HTR7: variants seen among roughly 807,000 people sequenced by gnomAD.
HTR7 encodes 5-hydroxytryptamine receptor 7.
In HTR7, 16 loss-of-function variants were observed where a neutral mutation model predicts 34.0. That is an observed-to-expected ratio of 0.47 (90% CI 0.32 to 0.71). The LOEUF (loss-of-function observed/expected upper bound fraction) is 0.71, where lower values mean the gene tolerates loss of function less well. Among genes scored for constraint, HTR7 ranks in the 30% least tolerant of loss-of-function variants. The probability of loss-of-function intolerance (pLI) is 0.04; values close to 1 mark genes in which losing one functional copy is unlikely to be tolerated. For synonymous variants in HTR7, 265 were observed against 260.2 expected (o/e 1.02, Z -0.18); for missense variants, 504 against 625.5 (o/e 0.81, Z 2.07).
intron 1 of HTR7, among the ~76,000 whole-genome samples, chr10:90,806,959 T>C: frequency 6.6e-6 from 1 of 152,168 alleles, no homozygotes; most frequent in South Asian, 2.1e-4. Context: ...AGGTAGCTAA[T>C]GTGAGGGAAG....
chr10:90,761,631 TGC>T (rs1252483231), intron 1 of HTR7, among the ~76,000 whole-genome samples: 201 of 103,682 alleles, frequency 1.9e-3, no homozygotes, highest in African/African-American at 4.1e-3. Flanking sequence ...TTTGTGTGTA[TGC>T]GTGTGTGTGT....
intron 1 of HTR7, among the ~76,000 whole-genome samples, chr10:90,765,559 C>T (rs542332766): frequency 6.6e-6 from 1 of 150,386 alleles, no homozygotes; most frequent in Non-Finnish European, 1.5e-5. Flanking sequence ...TTATGTCCTT[C>T]CTCCTGCTAA....
chr10:90,745,361 A>G (rs1311663354), intron 2 of HTR7, among the ~76,000 whole-genome samples: 1 of 152,166 alleles, frequency 6.6e-6, no homozygotes, highest in African/African-American at 2.4e-5. Context: ...CCTCTTTTAT[A>G]AGGGCAATAA....
At chr10:90,830,985 T>C (rs1248352267) in intron 1 of HTR7, among the ~76,000 whole-genome samples, 1 of 152,210 alleles carries the variant, frequency 6.6e-6, no homozygotes, top group South Asian at 2.1e-4. Context: ...CTCTGCCACT[T>C]AGCAGTTGCT....
chr10:90,808,289 A>C (rs1845735398), intron 1 of HTR7, among the ~76,000 whole-genome samples: 3 of 143,460 alleles, frequency 2.1e-5, no homozygotes, highest in African/African-American at 2.7e-5. Context: ...CTTCTCCTTC[A>C]CTCTTAGCAG....
chr10:90,857,084 G>GCCAGCCGGTCC lies in HTR7; in HGVS notation c.539+38_539+48dup. The stretch of plus-strand genomic sequence containing the variant: ...AAAGGCGAGCGCGCGGGGCTGAGCT[G>GCCAGCCGGTCC]CCAGCCGGTCCCCAGCCGGAGCCTG... On this transcript the variant is annotated intron_variant, in intron 1 of 3. Coordinates refer to ENST00000336152, the MANE Select transcript of HTR7 (RefSeq NM_019859.4). The surrounding 1 kb of genome is among the most constrained non-coding windows in gnomAD (Gnocchi z 6.5). The GCCAGCCGGTCC allele has an allele frequency of 1.4e-6, 2 of 1,474,264 alleles. No homozygotes were observed. Among genetic ancestry groups the GCCAGCCGGTCC allele is most frequent in the South Asian group, 1.4e-5 (1 of 73,664 alleles). 91.3% of individuals were successfully genotyped at this position (1,474,264 alleles called of 1,614,324 possible).
intron 1 of HTR7, among the ~76,000 whole-genome samples, chr10:90,811,380 C>T (rs1845807000): frequency 6.6e-6 from 1 of 150,660 alleles, no homozygotes; most frequent in Non-Finnish European, 1.5e-5. Context: ...ACACCTGATG[C>T]CTATACTTTC....
chr10:90,787,880 T>C (rs977400470), intron 1 of HTR7, among the ~76,000 whole-genome samples: 5 of 151,938 alleles, frequency 3.3e-5, no homozygotes, highest in Admixed American at 3.3e-4. Context: ...TTATGACCTC[T>C]TCCGCTTGCT....
At chr10:90,842,136 A>T (rs1846338556) in intron 1 of HTR7, among the ~76,000 whole-genome samples, 1 of 152,168 alleles carries the variant, frequency 6.6e-6, no homozygotes, top group Non-Finnish European at 1.5e-5. Context: ...GACTTTTGGG[A>T]GGTGATTAAG....
At position 90,742,153 on chromosome 10, in the gene HTR7, TG is replaced by T. The variant is rs1386498421; in HGVS notation, c.*328del. The stretch of plus-strand genomic sequence containing the variant: ...ACTCAGAAGCATGGGAAGTGTGCAC[TG>T]GAACTTTCTCCCACTTGCATGGATT... On this transcript the variant is annotated 3_prime_UTR_variant, in exon 4 of 4. Transcript: ENST00000336152. The T allele has an allele frequency of 2.5e-5, 5 of 200,802 alleles. No individual in the cohort carries two copies. Among genetic ancestry groups the T allele is most frequent in the Non-Finnish European group, 2.0e-5 (2 of 99,404 alleles). 12.4% of individuals were successfully genotyped at this position (200,802 alleles called of 1,614,324 possible).
rs767471859 is a variant in HTR7, at chr10:90,749,258, T to A, written c.876A>T (p.Ile292=). The A allele has an allele frequency of 6.2e-7, 1 of 1,614,124 alleles. No individual in the cohort carries two copies. The highest frequency in any genetic ancestry group is 8.5e-7 in the Non-Finnish European group (1 of 1,180,006). ...EPDSVIALNG[I]VKLQKEVEEC... is the part of the protein sequence containing the mutation. The stretch of plus-strand genomic sequence containing the variant: ...CTTCCACCTCCTTCTGGAGCTTCAC[T>A]ATGCCATTCAGGGCGATGACGCTGT... Residue 292 remains isoleucine, a synonymous_variant, in exon 2 of 4, where the codon ATA becomes ATT. Coordinates refer to ENST00000336152, the MANE Select transcript of HTR7 (RefSeq NM_019859.4). The surrounding 1 kb of genome is among the most constrained non-coding windows in gnomAD (Gnocchi z 4.2).
intron 1 of HTR7, among the ~76,000 whole-genome samples, chr10:90,755,214 C>A (rs1254778220): frequency 1.3e-5 from 2 of 152,168 alleles, no homozygotes; most frequent in African/African-American, 2.4e-5. Context: ...TTTAGCCTAA[C>A]AAAATCATTA....
intron 1 of HTR7, among the ~76,000 whole-genome samples, chr10:90,845,233 T>C (rs76085813): frequency 1.1e-3 from 170 of 152,330 alleles, no homozygotes; most frequent in African/African-American, 4.0e-3. Context: ...GTAAGAGCAC[T>C]ATTTCTGTTC....
chr10:90,833,956 A>C (rs1053479979), intron 1 of HTR7, among the ~76,000 whole-genome samples: 14 of 152,276 alleles, frequency 9.2e-5, no homozygotes, highest in Non-Finnish European at 1.8e-4. Flanking sequence ...TTATGACTAC[A>C]TAATCCTATT....
intron 1 of HTR7, among the ~76,000 whole-genome samples, chr10:90,782,157 G>A (rs1434107517): frequency 1.3e-5 from 2 of 152,116 alleles, no homozygotes; most frequent in Non-Finnish European, 2.9e-5. Flanking sequence ...AGACATGGGC[G>A]AGAGACTGCA....
chr10:90,752,808 T>C (rs1374185338), intron 1 of HTR7, among the ~76,000 whole-genome samples: 1 of 152,194 alleles, frequency 6.6e-6, no homozygotes, highest in Non-Finnish European at 1.5e-5. Context: ...GGTAAAAGTA[T>C]TACTGGCTTC....
chr10:90,743,072 C>T (rs1844579378), intron 3 of HTR7, among the ~76,000 whole-genome samples: 1 of 150,550 alleles, frequency 6.6e-6, no homozygotes, highest in South Asian at 2.1e-4. Flanking sequence ...AGCCACTCCC[C>T]TGACTCTGCA....
At chr10:90,798,257 T>A (rs1845571934) in intron 1 of HTR7, among the ~76,000 whole-genome samples, 1 of 152,182 alleles carries the variant, frequency 6.6e-6, no homozygotes, top group African/African-American at 2.4e-5. Flanking sequence ...ATGTAGCTCA[T>A]TCAGGACTGG....
chr10:90,831,440 G>C (rs141702657), intron 1 of HTR7, among the ~76,000 whole-genome samples: 6 of 152,062 alleles, frequency 3.9e-5, no homozygotes, highest in African/African-American at 1.4e-4. Context: ...GTGACTTCAG[G>C]AGTGAAGCTG....
Sources: allele counts gnomAD v4.1 joint callset (sites outside exome capture counted in the v4.1 genomes callset), GRCh38; gene constraint gnomAD v4.1.1; non-coding constraint Gnocchi (gnomAD v3.1); transcripts MANE v1.5; gene names NCBI Gene and HGNC (gene_info 2026-07-23, HGNC 2026-07-21).